CPHXL2: variants seen among roughly 807,000 people sequenced by gnomAD.
CPHXL2 encodes cytoplasmic polyadenylated homeobox like 2.
the CPHXL2 span, among the ~76,000 whole-genome samples, chr16:75,669,056 TG>T: frequency 6.6e-6 from 1 of 152,200 alleles, no homozygotes; most frequent in Non-Finnish European, 1.5e-5. Flanking sequence ...GGCTAACGCC[TG>T]TAATCCCAGC....
At chr16:75,668,201 C>T in the CPHXL2 span, among the ~76,000 whole-genome samples, 1 of 127,488 alleles carries the variant, frequency 7.8e-6, no homozygotes, top group Non-Finnish European at 1.5e-5. Context: ...GCTTAATTCT[C>T]TCTCTCTCTC....
chr16:75,667,912 C>T, the CPHXL2 span, among the ~76,000 whole-genome samples: 1 of 152,202 alleles, frequency 6.6e-6, no homozygotes, highest in Non-Finnish European at 1.5e-5. Flanking sequence ...ATCCAAGTAA[C>T]CTTTGAGTCC....
chr16:75,672,729 ATCC>A, the CPHXL2 span, among the ~76,000 whole-genome samples: 1 of 152,062 alleles, frequency 6.6e-6, no homozygotes, highest in African/African-American at 2.4e-5. Flanking sequence ...GGATCAAGCA[ATCC>A]TCCTGCCTTG....
At chr16:75,663,053 G>C in the CPHXL2 span, among the ~76,000 whole-genome samples, 1 of 152,190 alleles carries the variant, frequency 6.6e-6, no homozygotes, top group Non-Finnish European at 1.5e-5. Flanking sequence ...GCCCGCCTCG[G>C]CCTCCCAAAG....
At chr16:75,675,963 C>A in the CPHXL2 span, among the ~76,000 whole-genome samples, 2 of 151,980 alleles carry the variant, frequency 1.3e-5, no homozygotes, top group Non-Finnish European at 2.9e-5. Context: ...TCTGTAATCC[C>A]AGCTACTTGG....
chr16:75,672,769 G>A, the CPHXL2 span, among the ~76,000 whole-genome samples: 4 of 152,150 alleles, frequency 2.6e-5, no homozygotes, highest in African/African-American at 9.7e-5. Flanking sequence ...GGATACAGGC[G>A]TGAGCCACCA....
At chr16:75,671,227 G>A in the CPHXL2 span, among the ~76,000 whole-genome samples, 1 of 152,130 alleles carries the variant, frequency 6.6e-6, no homozygotes, top group African/African-American at 2.4e-5. Flanking sequence ...AGGCGTGGTG[G>A]TGTGCACCTA....
chr16:75,668,994 C>G, the CPHXL2 span, among the ~76,000 whole-genome samples: 1 of 152,078 alleles, frequency 6.6e-6, no homozygotes, highest in Non-Finnish European at 1.5e-5. Flanking sequence ...TGGCTTCTAC[C>G]TCCATCTATA....
chr16:75,676,872 T>G, the CPHXL2 span: 1 of 398,204 alleles, frequency 2.5e-6, no homozygotes, highest in African/African-American at 2.1e-5. Context: ...TCAAACTGAC[T>G]GCCCACAATC....
At chr16:75,669,822 G>T in the CPHXL2 span, among the ~76,000 whole-genome samples, 1 of 152,194 alleles carries the variant, frequency 6.6e-6, no homozygotes, top group Admixed American at 6.5e-5. Flanking sequence ...CTTATGTCTT[G>T]TCTATGGCCG....
At chr16:75,662,335 CTTTTTTTT>C in the CPHXL2 span, among the ~76,000 whole-genome samples, 1 of 126,778 alleles carries the variant, frequency 7.9e-6, no homozygotes, top group Non-Finnish European at 1.6e-5. Flanking sequence ...TCTTTCTTTT[CTTTTTTTT>C]TTTTTTTTTA....
chr16:75,672,364 T>C, the CPHXL2 span, among the ~76,000 whole-genome samples: 2 of 152,072 alleles, frequency 1.3e-5, no homozygotes, highest in Non-Finnish European at 2.9e-5. Context: ...AGCAAGTGAA[T>C]ATAAATTGAA....
the CPHXL2 span, chr16:75,669,371 C>T: frequency 7.0e-5 from 28 of 400,322 alleles, no homozygotes; most frequent in Non-Finnish European, 9.3e-5. Flanking sequence ...ACGTTTATCA[C>T]GTTAACCGGA....
At chr16:75,663,365 T>C in the CPHXL2 span, among the ~76,000 whole-genome samples, 1 of 152,178 alleles carries the variant, frequency 6.6e-6, no homozygotes, top group Non-Finnish European at 1.5e-5. Flanking sequence ...AGGAGTGCTA[T>C]GGTTTAAATG....
the CPHXL2 span, among the ~76,000 whole-genome samples, chr16:75,663,885 C>CAAAAAAAAAAA: frequency 2.0e-4 from 17 of 85,500 alleles, no homozygotes; most frequent in South Asian, 1.6e-3. Context: ...GACTCTGTCT[C>CAAAAAAAAAAA]AAAAAAAAAA....
chr16:75,674,246 A>ACAC, the CPHXL2 span, among the ~76,000 whole-genome samples: 6 of 148,982 alleles, frequency 4.0e-5, no homozygotes, highest in East Asian at 1.2e-3. Context: ...GGTGGCAGGC[A>ACAC]CCTGTAGTCC....
the CPHXL2 span, among the ~76,000 whole-genome samples, chr16:75,673,742 C>A: frequency 1.4e-3 from 206 of 151,826 alleles, 1 homozygote; most frequent in African/African-American, 4.7e-3. Flanking sequence ...ATTTGGGAGG[C>A]CAAGCGGGGG....
chr16:75,661,064 T>C, the CPHXL2 span: 1 of 400,698 alleles, frequency 2.5e-6, no homozygotes, highest in Non-Finnish European at 4.4e-6. Flanking sequence ...AACCAGGTCT[T>C]CTCATCAGAG....
At chr16:75,675,912 C>G in the CPHXL2 span, among the ~76,000 whole-genome samples, 1 of 152,104 alleles carries the variant, frequency 6.6e-6, no homozygotes, top group Admixed American at 6.5e-5. Context: ...AACCCCGTCT[C>G]TACTAAAAAT....
Sources: allele counts gnomAD v4.1 joint callset (sites outside exome capture counted in the v4.1 genomes callset), GRCh38; gene constraint gnomAD v4.1.1; transcripts MANE v1.5; gene names NCBI Gene and HGNC (gene_info 2026-07-23, HGNC 2026-07-21).